SDK1: variants seen among roughly 807,000 people sequenced by gnomAD.
SDK1 encodes sidekick cell adhesion molecule 1, also known as protein sidekick-1.
SDK1 carries 157 observed loss-of-function variants against 245.5 expected under a neutral mutation model. The observed-to-expected ratio is 0.64, with a 90% CI of 0.56 to 0.73. The LOEUF (loss-of-function observed/expected upper bound fraction) is 0.73, where lower values mean the gene tolerates loss of function less well. SDK1 is among the 30% of genes least tolerant of loss of function. The probability of loss-of-function intolerance (pLI) is 0.00; values close to 1 mark genes in which losing one functional copy is unlikely to be tolerated. For synonymous variants in SDK1, 1,647 were observed against 1,278.5 expected (o/e 1.29, Z -6.15); for missense variants, 3,583 against 3,002.3 (o/e 1.19, Z -4.52).
intron 2 of SDK1, among the ~76,000 whole-genome samples, chr7:3,622,936 C>G (rs1349689664): frequency 1.3e-5 from 2 of 151,876 alleles, no homozygotes; most frequent in African/African-American, 2.4e-5. Context: ...GTCTAAAAAT[C>G]TCATACTATT....
chr7:3,393,400 C>T (rs7791737), intron 1 of SDK1, among the ~76,000 whole-genome samples: 2,272 of 152,222 alleles, frequency 0.015, 54 homozygotes, highest in African/African-American at 0.05. Context: ...TACTACTTAA[C>T]AGAAATGTTT....
At chr7:3,758,889 A>C (rs1355331692) in intron 4 of SDK1, among the ~76,000 whole-genome samples, 2 of 152,170 alleles carry the variant, frequency 1.3e-5, no homozygotes, top group Non-Finnish European at 2.9e-5. Context: ...GTCTGTATCC[A>C]TCTGTATCTA....
intron 35 of SDK1, among the ~76,000 whole-genome samples, chr7:4,195,407 G>A (rs923879241): frequency 4.6e-5 from 7 of 152,096 alleles, no homozygotes; most frequent in Non-Finnish European, 8.8e-5. Context: ...CTTCTCTCTG[G>A]GGTTTCTTGG....
At chr7:3,443,183 A>G (rs1780247079) in intron 1 of SDK1, among the ~76,000 whole-genome samples, 1 of 152,194 alleles carries the variant, frequency 6.6e-6, no homozygotes, top group African/African-American at 2.4e-5. Context: ...AATATTTAAT[A>G]AGCATTAACA....
At chr7:3,756,030 A>G (rs1424403373) in intron 4 of SDK1, among the ~76,000 whole-genome samples, 1 of 151,230 alleles carries the variant, frequency 6.6e-6, no homozygotes, top group Non-Finnish European at 1.5e-5. Context: ...CACATGGCAT[A>G]GCACATGTGA....
intron 1 of SDK1, among the ~76,000 whole-genome samples, chr7:3,511,073 C>A (rs1211658848): frequency 6.6e-6 from 1 of 152,096 alleles, no homozygotes; most frequent in South Asian, 2.1e-4. Flanking sequence ...TGGCTTGGGC[C>A]AGGGTGGCAG....
At chr7:4,176,965 G>C (rs369000612) in intron 34 of SDK1, among the ~76,000 whole-genome samples, 8 of 152,350 alleles carry the variant, frequency 5.3e-5, no homozygotes, top group African/African-American at 1.7e-4. Flanking sequence ...AGGGCTAGAC[G>C]TGGAGCCATA....
In SDK1 at chr7:4,139,583, A is replaced by G. The variant is rs551780249; in HGVS notation, c.4229-6139A>G. Among the ~76,000 whole-genome samples the G allele has an allele frequency of 4.8e-3, 202 of 41,902 alleles. 46 individuals carry two copies. The highest frequency in any genetic ancestry group is 0.012 in the Middle Eastern group (1 of 86). The allele number at this position is 41,902 out of a possible 152,430, so 27.5% of individuals were successfully genotyped here. On this transcript the variant is annotated intron_variant, in intron 28 of 44. Coordinates refer to ENST00000404826, the MANE Select transcript of SDK1 (RefSeq NM_152744.4). ...TATATGTGTGTATATGTGTGTGTGT[A>G]TGTGTGTGTATATGTATATATGTGT...
chr7:4,206,539 G>A (rs925181580), intron 36 of SDK1, among the ~76,000 whole-genome samples: 1 of 152,216 alleles, frequency 6.6e-6, no homozygotes, highest in South Asian at 2.1e-4. Flanking sequence ...ACGGTAACAT[G>A]TGAGAAGCCC....
intron 1 of SDK1, among the ~76,000 whole-genome samples, chr7:3,511,589 A>G (rs1445454835): frequency 6.6e-6 from 1 of 152,062 alleles, no homozygotes; most frequent in Non-Finnish European, 1.5e-5. Flanking sequence ...TCTTCTTAAC[A>G]TTGTTGATCT....
At chr7:3,986,092 G>C (rs1783808518) in intron 13 of SDK1, among the ~76,000 whole-genome samples, 1 of 152,230 alleles carries the variant, frequency 6.6e-6, no homozygotes, top group East Asian at 1.9e-4. Flanking sequence ...TGAAGGTTCA[G>C]TACAGGGCCC....
intron 35 of SDK1, among the ~76,000 whole-genome samples, chr7:4,204,379 T>C (rs548870692): frequency 6.6e-6 from 1 of 152,296 alleles, no homozygotes; most frequent in South Asian, 2.1e-4. Context: ...CACAACAACC[T>C]GGTGTGGGCT....
chr7:3,748,835 C>T (rs1779696419), intron 4 of SDK1, among the ~76,000 whole-genome samples: 1 of 152,100 alleles, frequency 6.6e-6, no homozygotes, highest in Non-Finnish European at 1.5e-5. Flanking sequence ...GTACCGAATG[C>T]TTTTGTTTTG....
At chr7:3,673,309 A>G (rs1383165936) in intron 4 of SDK1, among the ~76,000 whole-genome samples, 1 of 152,214 alleles carries the variant, frequency 6.6e-6, no homozygotes, top group East Asian at 1.9e-4. Flanking sequence ...CATTCATTGG[A>G]CGGAAAGATC....
At chr7:3,428,783 T>A (rs980138147) in intron 1 of SDK1, among the ~76,000 whole-genome samples, 2 of 145,618 alleles carry the variant, frequency 1.4e-5, no homozygotes, top group Non-Finnish European at 3.0e-5. Flanking sequence ...AGCCTTGGAG[T>A]GATGAAAAGA....
chr7:3,794,303 A>C (rs990171231), intron 4 of SDK1, among the ~76,000 whole-genome samples: 1 of 152,106 alleles, frequency 6.6e-6, no homozygotes, highest in Non-Finnish European at 1.5e-5. Context: ...GCTATTTAAC[A>C]TTCCCCTTTT....
chr7:3,597,492 G>A (rs886657975), intron 1 of SDK1, among the ~76,000 whole-genome samples: 3 of 152,116 alleles, frequency 2.0e-5, no homozygotes, highest in Admixed American at 2.0e-4. Flanking sequence ...CGGCGGCGGG[G>A]AGGCCACCTG....
chr7:4,134,583 GAC>G (rs2128201057), intron 28 of SDK1, among the ~76,000 whole-genome samples: 1 of 152,306 alleles, frequency 6.6e-6, no homozygotes, highest in East Asian at 1.9e-4. Context: ...AAGAAACATT[GAC>G]AGAGTCACAG....
chr7:3,556,745 G>A (rs981797582), intron 1 of SDK1, among the ~76,000 whole-genome samples: 10 of 152,092 alleles, frequency 6.6e-5, no homozygotes, highest in Non-Finnish European at 1.0e-4. Context: ...AGTGAGCCAA[G>A]ATCACGCCAC....
Sources: allele counts gnomAD v4.1 joint callset (sites outside exome capture counted in the v4.1 genomes callset), GRCh38; gene constraint gnomAD v4.1.1; transcripts MANE v1.5; gene names NCBI Gene and HGNC (gene_info 2026-07-23, HGNC 2026-07-21).